Variants in TECPR2 observed in about 807,000 individuals in gnomAD.
The protein encoded by TECPR2 is tectonin beta-propeller repeat-containing protein 2.
In TECPR2, 65 loss-of-function variants were observed where a neutral mutation model predicts 138.1. The observed-to-expected ratio is 0.47, with a 90% CI of 0.39 to 0.58. TECPR2 has a LOEUF of 0.58. TECPR2 is among the 20% of genes least tolerant of loss of function. The pLI, the probability that TECPR2 is intolerant of heterozygous loss-of-function variation, is 0.00. For synonymous variants in TECPR2, 746 were observed against 749.8 expected (o/e 0.99, Z 0.08); for missense variants, 1,553 against 1,824.5 (o/e 0.85, Z 2.71).
rs1021539890 is a variant in TECPR2 at position 102,415,189 on chromosome 14, C to T, written c.638+396C>T. The stretch of plus-strand genomic sequence containing the variant: ...CACGTGTTTACCATGCACCCCTGTG[C>T]ACTGTGGCAGGCTCAGCAGTGACAT... On this transcript the variant is annotated intron_variant, in intron 5 of 19. Transcript: ENST00000359520. The surrounding 1 kb of genome is among the most constrained non-coding windows in gnomAD (Gnocchi z 4.3). Among the ~76,000 whole-genome samples the T allele has an allele frequency of 2.6e-5, 4 of 152,220 alleles. No individual in the cohort carries two copies. The highest frequency in any genetic ancestry group is 2.6e-4 in the Admixed American group (4 of 15,280).
At chr14:102,385,507 TG>T (rs1212773878) in intron 2 of TECPR2, among the ~76,000 whole-genome samples, 2 of 152,066 alleles carry the variant, frequency 1.3e-5, no homozygotes, top group Non-Finnish European at 2.9e-5. Context: ...CAGAGTTTGG[TG>T]GAACAGCATC....
chr14:102,399,196 A>G (rs1597784110), intron 2 of TECPR2, among the ~76,000 whole-genome samples: 1 of 152,372 alleles, frequency 6.6e-6, no homozygotes, highest in East Asian at 1.9e-4. Flanking sequence ...TGGGAGGCAG[A>G]GGTTGCAGTG....
rs761876641 is a variant in TECPR2 at position 102,440,545 on chromosome 14, T to C, written c.2688T>C (p.Phe896=). The C allele has an allele frequency of 1.2e-6, 2 of 1,614,196 alleles. No homozygotes were observed. Among genetic ancestry groups the C allele is most frequent in the South Asian group, 1.1e-5 (1 of 91,082 alleles). Residue 896 remains phenylalanine (F), a synonymous_variant, in exon 11 of 20, where the codon TTT becomes TTC. Transcript: ENST00000359520. Reference sequence around the variant, plus strand: ...ACGAAGCCCTGCCCCAGGCAGTGTTTGTGGCCCTGAGCGATGACACGGCCT... The same window carrying C: ...ACGAAGCCCTGCCCCAGGCAGTGTTCGTGGCCCTGAGCGATGACACGGCCT... ...HWYEALPQAV[F]VALSDDTAWI... is the part of the protein sequence containing the mutation.
chr14:102,396,165 C>T (rs1008664610), intron 2 of TECPR2, among the ~76,000 whole-genome samples: 5 of 150,346 alleles, frequency 3.3e-5, no homozygotes, highest in East Asian at 3.9e-4. Flanking sequence ...TGCAGTGGCG[C>T]GATCTCAGCT....
At position 102,479,812 on chromosome 14, in the gene TECPR2, A is replaced by G. The variant is rs576384503; in HGVS notation, c.3789+14523A>G. ...TGAGCCAGCGTCGCTTGTATGCATG[A>G]TACTGCAAGACTTCCTTCCCAGCTG... On this transcript the variant is annotated intron_variant, in intron 17 of 19. Transcript: ENST00000359520. Among the ~76,000 whole-genome samples, 4 of 152,320 alleles carry G rather than the reference A, an allele frequency of 2.6e-5. No homozygotes were observed. The East Asian group carries it at 7.7e-4, about 29-fold the overall frequency.
intron 17 of TECPR2, among the ~76,000 whole-genome samples, chr14:102,486,773 G>C (rs1196739354): frequency 6.6e-6 from 1 of 152,220 alleles, no homozygotes; most frequent in Non-Finnish European, 1.5e-5. Flanking sequence ...CGAAGAGGAG[G>C]TCCTCCTAGT....
chr14:102,413,536 G>A (rs753323438), intron 4 of TECPR2, among the ~76,000 whole-genome samples: 8 of 151,602 alleles, frequency 5.3e-5, no homozygotes, highest in African/African-American at 1.7e-4. Flanking sequence ...GTGCCACCTC[G>A]CCCAGCTAAA....
intron 17 of TECPR2, among the ~76,000 whole-genome samples, chr14:102,469,530 T>C (rs1890616823): frequency 6.6e-6 from 1 of 152,180 alleles, no homozygotes; most frequent in African/African-American, 2.4e-5. Flanking sequence ...TAATTTTACT[T>C]CTTCCTTTCT....
At chr14:102,457,497 A>G (rs1283147735) in intron 16 of TECPR2, among the ~76,000 whole-genome samples, 1 of 152,210 alleles carries the variant, frequency 6.6e-6, no homozygotes, top group Non-Finnish European at 1.5e-5. Flanking sequence ...GGTGGCATGC[A>G]TTGAATGGGG....
At position 102,443,023 on chromosome 14, in the gene TECPR2, C is replaced by T. The variant is rs1334607222; in HGVS notation, c.2753-624C>T. ...ATTTCATCTGGGAAATTCGGGGTTT[C>T]ATTTTATTAGTGGAACCTCGCACCC... On this transcript the variant is annotated intron_variant, in intron 11 of 19. Coordinates refer to ENST00000359520, the MANE Select transcript of TECPR2 (RefSeq NM_014844.5). The surrounding 1 kb of genome is among the most constrained non-coding windows in gnomAD (Gnocchi z 4.9). Among the ~76,000 whole-genome samples, 1 of 152,250 alleles carries T rather than the reference C, an allele frequency of 6.6e-6. No homozygotes were observed. The highest frequency in any genetic ancestry group is 2.4e-5 in the African/African-American group (1 of 41,462).
Position 102,376,802 on chromosome 14 carries a change from C to T in TECPR2, c.81C>T (p.Ile27=). ...YYLLNAIPTK[I]QKGFRSIVVY... The stretch of plus-strand genomic sequence containing the variant: ...TCCTCAATGCCATTCCGACAAAGAT[C>T]CAGAAGGGTTTCCGCTCTATCGTGG... The change falls in exon 2 of 20, where the codon ATC becomes ATT. Residue 27 remains isoleucine, a synonymous_variant. Transcript: ENST00000359520. 1 of 1,614,204 alleles carries T rather than the reference C, an allele frequency of 6.2e-7. No individual in the cohort carries two copies. The highest frequency in any genetic ancestry group is 1.6e-4 in the Middle Eastern group (1 of 6,062).
chr14:102,425,977 C>T lies in TECPR2; in HGVS notation c.951+686C>T, dbSNP rs568666715. 9.6e-4 allele frequency among the ~76,000 whole-genome samples: 145 copies of T among 150,986 alleles called. 2 individuals carry two copies. Among genetic ancestry groups the T allele is most frequent in the Non-Finnish European group, 1.7e-3 (117 of 67,722 alleles). On this transcript the variant is annotated intron_variant, in intron 6 of 19. Coordinates refer to ENST00000359520, the MANE Select transcript of TECPR2 (RefSeq NM_014844.5). ...TGGGCTCACTGCAACCTCCACCTCC[C>T]GAGTTCAAGCGATTCTCCTGCCTCA...
At chr14:102,441,681 A>G (rs1272352754) in intron 11 of TECPR2, among the ~76,000 whole-genome samples, 4 of 151,982 alleles carry the variant, frequency 2.6e-5, no homozygotes, top group Non-Finnish European at 5.9e-5. Context: ...ACAGGGCGAG[A>G]CTCCGTCTCA....
chr14:102,366,840 A>G (rs1567310269), intron 1 of TECPR2, among the ~76,000 whole-genome samples: 2 of 152,226 alleles, frequency 1.3e-5, no homozygotes, highest in African/African-American at 4.8e-5. Context: ...TAAAGCAATT[A>G]GAGGTTGTAA....
At chr14:102,393,077 C>G (rs1888222137) in intron 2 of TECPR2, among the ~76,000 whole-genome samples, 6 of 152,166 alleles carry the variant, frequency 3.9e-5, no homozygotes, top group Admixed American at 3.9e-4. Context: ...AGCTCCCCAT[C>G]ATCTACTCCG....
At chr14:102,466,337 A>G (rs965783577) in intron 17 of TECPR2, among the ~76,000 whole-genome samples, 2 of 152,186 alleles carry the variant, frequency 1.3e-5, no homozygotes, top group Non-Finnish European at 2.9e-5. Context: ...GATATTGTCT[A>G]TGACAACACT....
intron 3 of TECPR2, among the ~76,000 whole-genome samples, chr14:102,408,037 T>C (rs1414394511): frequency 2.7e-5 from 4 of 148,280 alleles, no homozygotes; most frequent in African/African-American, 7.5e-5. Context: ...GGCGTGGTGG[T>C]GCGTGCCTGT....
At chr14:102,421,762 C>G (rs1889191067) in intron 5 of TECPR2, among the ~76,000 whole-genome samples, 1 of 152,158 alleles carries the variant, frequency 6.6e-6, no homozygotes, top group Admixed American at 6.5e-5. Flanking sequence ...TCACTTCAGC[C>G]TTTGAGATGG....
intron 17 of TECPR2, among the ~76,000 whole-genome samples, chr14:102,481,011 A>ATT (rs564316192): frequency 4.7e-5 from 6 of 128,866 alleles, no homozygotes; most frequent in African/African-American, 1.1e-4. Flanking sequence ...CGCCTGGCTA[A>ATT]TTTTTTTTTT....
Sources: allele counts gnomAD v4.1 joint callset (sites outside exome capture counted in the v4.1 genomes callset), GRCh38; gene constraint gnomAD v4.1.1; non-coding constraint Gnocchi (gnomAD v3.1); transcripts MANE v1.5; gene names NCBI Gene and HGNC (gene_info 2026-07-23, HGNC 2026-07-21).